Variants in MDGA2 observed in about 807,000 individuals in gnomAD.
MDGA2 encodes MAM domain containing glycosylphosphatidylinositol anchor 2.
In MDGA2, 40 loss-of-function variants were observed where a neutral mutation model predicts 117.8. That is an observed-to-expected ratio of 0.34 (90% CI 0.26 to 0.44). The LOEUF (loss-of-function observed/expected upper bound fraction) is 0.44. MDGA2 is among the 20% of genes least tolerant of loss of function. The pLI is 1.00. For missense variants in MDGA2, 1,123 were observed against 1,250.6 expected, an observed-to-expected ratio of 0.90 and a Z score of 1.54; for synonymous variants, 452 against 439.0, an observed-to-expected ratio of 1.03 and a Z score of -0.37.
At chr14:47,313,022 AAAGT>A (rs927486201) in intron 1 of MDGA2, among the ~76,000 whole-genome samples, 109 of 151,658 alleles carry the variant, frequency 7.2e-4, no homozygotes, top group African/African-American at 2.3e-3. Flanking sequence ...TAATACATAA[AAAGT>A]AACTAAGCAT....
chr14:46,914,021 CA>C (rs1298562943), intron 10 of MDGA2, among the ~76,000 whole-genome samples: 1 of 151,678 alleles, frequency 6.6e-6, no homozygotes, highest in Non-Finnish European at 1.5e-5. Flanking sequence ...AAGATACAGT[CA>C]AAAAGTCACA....
At chr14:47,253,989 G>T (rs1039696917) in intron 2 of MDGA2, among the ~76,000 whole-genome samples, 2 of 152,236 alleles carry the variant, frequency 1.3e-5, no homozygotes, top group African/African-American at 4.8e-5. Flanking sequence ...GCAATGGCCC[G>T]AGTTGTACAT....
At chr14:46,879,849 T>C (rs1426580835) in intron 11 of MDGA2, among the ~76,000 whole-genome samples, 1 of 152,166 alleles carries the variant, frequency 6.6e-6, no homozygotes, top group Admixed American at 6.6e-5. Context: ...TGGTAAAAAC[T>C]GTAAGTACAA....
intron 3 of MDGA2, among the ~76,000 whole-genome samples, chr14:47,185,009 T>A (rs994097192): frequency 1.5e-4 from 22 of 151,190 alleles, no homozygotes; most frequent in African/African-American, 5.3e-4. Context: ...TAGAAATAAA[T>A]GAGTAATATG....
At chr14:47,377,761 G>A (rs554502959) in intron 1 of MDGA2, among the ~76,000 whole-genome samples, 23 of 152,258 alleles carry the variant, frequency 1.5e-4, no homozygotes, top group Admixed American at 2.6e-4. Flanking sequence ...AGGTATGCCC[G>A]CCTCTGTAGA....
At chr14:47,300,058 G>A (rs1889223392) in intron 2 of MDGA2, among the ~76,000 whole-genome samples, 1 of 151,968 alleles carries the variant, frequency 6.6e-6, no homozygotes, top group Admixed American at 6.6e-5. Context: ...TGCTTTATAT[G>A]CCTATTTTTA....
At chr14:46,937,891 G>C (rs1490453251) in intron 9 of MDGA2, among the ~76,000 whole-genome samples, 1 of 151,904 alleles carries the variant, frequency 6.6e-6, no homozygotes, top group Non-Finnish European at 1.5e-5. Flanking sequence ...ACTGGGCTGA[G>C]AAAAGATTTT....
At chr14:46,988,873 C>T (rs190504083) in intron 8 of MDGA2, among the ~76,000 whole-genome samples, 1 of 151,964 alleles carries the variant, frequency 6.6e-6, no homozygotes, top group Admixed American at 6.6e-5. Context: ...GTAGCATGCG[C>T]AACAGAATCC....
intron 5 of MDGA2, among the ~76,000 whole-genome samples, chr14:47,119,317 G>C (rs558830381): frequency 2.0e-5 from 3 of 151,444 alleles, no homozygotes; most frequent in African/African-American, 7.3e-5. Flanking sequence ...TGCCCGCCTC[G>C]GCCTCCCAAA....
At chr14:47,325,210 T>G (rs1300557887) in intron 1 of MDGA2, among the ~76,000 whole-genome samples, 4 of 152,192 alleles carry the variant, frequency 2.6e-5, no homozygotes, top group Non-Finnish European at 5.9e-5. Context: ...TCAACTAAAC[T>G]ATGAAACTGA....
chr14:46,851,981 G>A (rs1012456017), intron 15 of MDGA2, among the ~76,000 whole-genome samples: 10 of 151,466 alleles, frequency 6.6e-5, no homozygotes, highest in African/African-American at 2.4e-4. Context: ...CAACAAAAGT[G>A]GCATGGGATT....
chr14:46,870,450 G>T lies in MDGA2; in HGVS notation c.2752+2983C>A, dbSNP rs187671274. On this transcript the variant is annotated intron_variant, in intron 14 of 16. Coordinates refer to ENST00000399232, the MANE Select transcript of MDGA2 (RefSeq NM_001113498.3). ...TGAGTTTACAGATGAATGAAAGTCC[G>T]AAAATAATATATGCAAAGAGGGGAT... Among the ~76,000 whole-genome samples the T allele has an allele frequency of 3.5e-3, 535 of 152,060 alleles. 5 individuals carry two copies. The highest frequency in any genetic ancestry group is 0.012 in the African/African-American group (511 of 41,524).
intron 10 of MDGA2, among the ~76,000 whole-genome samples, chr14:46,906,983 T>C (rs1243663181): frequency 6.9e-6 from 1 of 143,928 alleles, no homozygotes; most frequent in African/African-American, 2.6e-5. Flanking sequence ...TTTTTTTTTT[T>C]TTTTTTTTTT....
At chr14:47,149,544 C>T (rs1437262657) in intron 3 of MDGA2, among the ~76,000 whole-genome samples, 1 of 152,164 alleles carries the variant, frequency 6.6e-6, no homozygotes, top group Non-Finnish European at 1.5e-5. Flanking sequence ...ATTCTCCAAG[C>T]CTTTACAAAG....
intron 10 of MDGA2, among the ~76,000 whole-genome samples, chr14:46,890,928 G>A (rs1357101446): frequency 6.6e-6 from 1 of 151,978 alleles, no homozygotes; most frequent in East Asian, 1.9e-4. Flanking sequence ...TAAATATGTA[G>A]TTCCAAAACA....
At chr14:47,548,633 T>C (rs1411367189) in intron 1 of MDGA2, among the ~76,000 whole-genome samples, 1 of 152,142 alleles carries the variant, frequency 6.6e-6, no homozygotes, top group Non-Finnish European at 1.5e-5. Flanking sequence ...GTTTTCAAAA[T>C]TCTAACATTT....
At chr14:46,947,858 T>TC (rs1885230128) in intron 9 of MDGA2, among the ~76,000 whole-genome samples, 1 of 152,068 alleles carries the variant, frequency 6.6e-6, no homozygotes, top group African/African-American at 2.4e-5. Context: ...TCTCAGTTAT[T>TC]ATTTTTTTCA....
At chr14:47,339,894 T>A (rs1024711318) in intron 1 of MDGA2, among the ~76,000 whole-genome samples, 1 of 152,200 alleles carries the variant, frequency 6.6e-6, no homozygotes, top group Admixed American at 6.5e-5. Context: ...ATACATTATA[T>A]AATCATGAGT....
At chr14:47,442,947 C>A (rs952698998) in intron 1 of MDGA2, among the ~76,000 whole-genome samples, 1 of 152,246 alleles carries the variant, frequency 6.6e-6, no homozygotes, top group African/African-American at 2.4e-5. Flanking sequence ...CCTTTAGTCA[C>A]TTAACCATCT....
Sources: allele counts gnomAD v4.1 joint callset (sites outside exome capture counted in the v4.1 genomes callset), GRCh38; gene constraint gnomAD v4.1.1; transcripts MANE v1.5; gene names NCBI Gene and HGNC (gene_info 2026-07-23, HGNC 2026-07-21).